ARHGAP12: variants seen among roughly 807,000 people sequenced by gnomAD.
ARHGAP12 encodes the protein Rho GTPase activating protein 12.
ARHGAP12 carries 64 observed loss-of-function variants against 108.6 expected under a neutral mutation model. The observed-to-expected ratio is 0.59, with a 90% CI of 0.48 to 0.73. ARHGAP12 has a LOEUF of 0.73. Ranked by LOEUF, ARHGAP12 falls within the 30% of genes least tolerant of loss-of-function variation. The probability of loss-of-function intolerance (pLI) is 0.00; values close to 1 mark genes in which losing one functional copy is unlikely to be tolerated. For synonymous variants in ARHGAP12, 312 were observed against 337.2 expected (o/e 0.93, Z 0.82); for missense variants, 940 against 1,005.9 (o/e 0.93, Z 0.89).
At chr10:31,852,381 T>C in intron 6 of ARHGAP12, 136 bp downstream of exon 6, 1 of 729,094 alleles carries the variant, frequency 1.4e-6, no homozygotes. Flanking sequence ...CTCACAGTAT[T>C]CACAGTGAAT....
rs73253349 is a variant in ARHGAP12 at position 31,860,673 on chromosome 10, C to T, written c.948+722G>A. 5.2e-3 allele frequency among the ~76,000 whole-genome samples: 787 copies of T among 152,266 alleles called. 8 individuals carry two copies. Among genetic ancestry groups the T allele is most frequent in the African/African-American group, 0.017 (714 of 41,544 alleles). ...TAAAACAATGGTCTTGTACCGCTGA[C>T]TGACAAAGAGAAAAAATGGGAAGTA... is the stretch of plus-strand genomic sequence containing the variant. On this transcript the variant is annotated intron_variant, in intron 4 of 19. Transcript: ENST00000344936.
intron 1 of ARHGAP12, among the ~76,000 whole-genome samples, chr10:31,912,987 T>C (rs1274872113): frequency 6.6e-6 from 1 of 152,240 alleles, no homozygotes; most frequent in East Asian, 1.9e-4. Flanking sequence ...CTTCATTCTG[T>C]TGACTGTTTC....
chr10:31,835,838 G>C (rs527420068), intron 9 of ARHGAP12, among the ~76,000 whole-genome samples: 10 of 152,290 alleles, frequency 6.6e-5, no homozygotes, highest in Middle Eastern at 3.4e-3. Flanking sequence ...GTTATCAAGG[G>C]CAGGGGACTG....
rs1232724154 is a variant in ARHGAP12 at position 31,913,773 on chromosome 10, AG to A, written c.-110-3211del. The A allele has an allele frequency of 1.4e-3, 148 of 107,476 alleles. 2 individuals are homozygous for A. Among genetic ancestry groups the A allele is most frequent in the Middle Eastern group, 9.4e-3 (2 of 212 alleles). 6.7% of individuals were successfully genotyped at this position (107,476 alleles called of 1,614,324 possible). On this transcript the variant is annotated intron_variant, in intron 1 of 19. Coordinates refer to ENST00000344936, the MANE Select transcript of ARHGAP12 (RefSeq NM_018287.7). ...TGATGACAAATCAGTTGGTTCTAGC[AG>A]GGTTTTTTTTTTTTTTGAAGAAAGA... is the stretch of plus-strand genomic sequence containing the variant.
chr10:31,907,017 T>G (rs142350939), intron 3 of ARHGAP12, among the ~76,000 whole-genome samples: 1 of 152,238 alleles, frequency 6.6e-6, no homozygotes, highest in East Asian at 1.9e-4. Context: ...TCTCAAACAC[T>G]AGAAGTTTTT....
chr10:31,866,661 G>A (rs555888093), intron 3 of ARHGAP12, among the ~76,000 whole-genome samples: 1 of 152,082 alleles, frequency 6.6e-6, no homozygotes, highest in East Asian at 1.9e-4. Flanking sequence ...TGTTGCCCAG[G>A]CTGGAGTGTA....
At chr10:31,915,740 G>C (rs1000244782) in intron 1 of ARHGAP12, among the ~76,000 whole-genome samples, 2 of 151,986 alleles carry the variant, frequency 1.3e-5, no homozygotes, top group Non-Finnish European at 2.9e-5. Context: ...AATGTGCTGA[G>C]AATGTGGAAA....
At position 31,910,603 on chromosome 10, in the gene ARHGAP12, T is replaced by A. The variant is rs142736421; in HGVS notation, c.-110-40A>T. On this transcript the variant is annotated intron_variant, in intron 1 of 19. Transcript: ENST00000344936. The stretch of plus-strand genomic sequence containing the variant: ...ATAAGTTCATTAACTCAAACCAAGA[T>A]CGCTGAAGACTAAGAATATAATGTT... 1.9e-3 allele frequency: 285 copies of A among 152,350 alleles called. 2 individuals carry two copies. The highest frequency in any genetic ancestry group is 6.6e-3 in the African/African-American group (273 of 41,578). 9.4% of individuals were successfully genotyped at this position (152,350 alleles called of 1,614,324 possible). A position where few individuals can be genotyped will look rare whatever the true frequency, so the allele number is the denominator to read the frequency against.
intron 3 of ARHGAP12, among the ~76,000 whole-genome samples, chr10:31,904,378 T>C (rs926341791): frequency 2.6e-5 from 4 of 152,182 alleles, no homozygotes; most frequent in African/African-American, 2.4e-5. Flanking sequence ...TCCATTTATA[T>C]AAAATTCTTC....
Position 31,867,121 on chromosome 10 carries a change from T to A in ARHGAP12, c.685-5463A>T, listed in dbSNP as rs527958879. Reference sequence around the variant, plus strand: ...AGAACCTTGTTTTCTTTTTTTTGTTTTTTTTTTTTTTGAGACGGAGTCTTG... The same window carrying A: ...AGAACCTTGTTTTCTTTTTTTTGTTATTTTTTTTTTTGAGACGGAGTCTTG... On this transcript the variant is annotated intron_variant, in intron 3 of 19. Transcript: ENST00000344936. 1.2e-4 allele frequency among the ~76,000 whole-genome samples: 18 copies of A among 151,158 alleles called. No individual in the cohort carries two copies. The South Asian group carries it at 3.5e-3, about 30-fold the overall frequency.
At chr10:31,881,377 A>C (rs2799028) in intron 3 of ARHGAP12, among the ~76,000 whole-genome samples, 30,269 of 152,058 alleles carry the variant, frequency 0.2, 3,342 homozygotes, top group East Asian at 0.39. Flanking sequence ...AACACACACA[A>C]AAAAAACATA....
chr10:31,884,910 T>C (rs1838134876), intron 3 of ARHGAP12, among the ~76,000 whole-genome samples: 1 of 152,186 alleles, frequency 6.6e-6, no homozygotes, highest in Non-Finnish European at 1.5e-5. Flanking sequence ...TTTAAAAAGC[T>C]TGAATTTTAT....
intron 1 of ARHGAP12, among the ~76,000 whole-genome samples, chr10:31,922,692 G>C (rs1046423470): frequency 2.6e-5 from 4 of 151,856 alleles, no homozygotes; most frequent in Non-Finnish European, 4.4e-5. Context: ...AAGAAAACTG[G>C]CCCAGGCGGC....
At position 31,908,302 on chromosome 10, in the gene ARHGAP12, A is replaced by G. The variant is rs751337232; in HGVS notation, c.554T>C (p.Phe185Ser). 10 of 1,614,134 alleles carry G rather than the reference A, an allele frequency of 6.2e-6. No homozygotes were observed. The East Asian group carries it at 2.2e-4, about 36-fold the overall frequency. Reference protein sequence around the residue: ...RSFGHFPGPEFLDVEKTSFSQ... With the variant: ...RSFGHFPGPESLDVEKTSFSQ... ...GAAGCTAGTTTTCTCTACATCCAAG[A>G]ACTCTGGACCGGGAAAATGACCAAA... is the stretch of plus-strand genomic sequence containing the variant. The change falls in exon 3 of 20, where the codon TTC (phenylalanine) becomes TCC (serine). Residue 185 changes from phenylalanine to serine, a missense_variant. Transcript: ENST00000344936.
chr10:31,886,442 CT>C (rs1838192784), intron 3 of ARHGAP12, among the ~76,000 whole-genome samples: 1 of 152,026 alleles, frequency 6.6e-6, no homozygotes. Context: ...TGACTTTGGC[CT>C]TTAAATATAA....
At chr10:31,814,102 G>C (rs1835113993) in intron 14 of ARHGAP12, among the ~76,000 whole-genome samples, 157 bp downstream of exon 14, 1 of 152,122 alleles carries the variant, frequency 6.6e-6, no homozygotes, top group Non-Finnish European at 1.5e-5. Flanking sequence ...TTAACAAGAA[G>C]AAAGAGCGCT....
At chr10:31,840,954 C>T (rs1356640583) in intron 7 of ARHGAP12, among the ~76,000 whole-genome samples, 4 of 151,950 alleles carry the variant, frequency 2.6e-5, no homozygotes, top group Non-Finnish European at 5.9e-5. Flanking sequence ...AACTTCAGAT[C>T]AATTTTTGAT....
intron 4 of ARHGAP12, among the ~76,000 whole-genome samples, chr10:31,856,647 G>A (rs1218824524): frequency 6.6e-6 from 1 of 152,036 alleles, no homozygotes; most frequent in Non-Finnish European, 1.5e-5. Flanking sequence ...GTTTCTCTAG[G>A]CATCCGTCAG....
chr10:31,824,168 A>G (rs1281196244), intron 11 of ARHGAP12, among the ~76,000 whole-genome samples: 3 of 152,198 alleles, frequency 2.0e-5, no homozygotes, highest in Admixed American at 6.5e-5. Context: ...GGGGAAAACA[A>G]AACAGTCTGA....
Sources: gnomAD v4.1 joint callset for allele counts (sites outside exome capture counted in the v4.1 genomes callset) on GRCh38, gnomAD v4.1.1 for gene constraint, MANE v1.5 for transcripts, NCBI Gene and HGNC (gene_info 2026-07-23, HGNC 2026-07-21) for gene names.